VTI1A: variants seen among roughly 807,000 people sequenced by gnomAD.
VTI1A encodes vesicle transport through interaction with t-SNAREs homolog 1A.
VTI1A carries 22 observed loss-of-function variants against 34.9 expected under a neutral mutation model. That is an observed-to-expected ratio of 0.63 (90% CI 0.45 to 0.90). The LOEUF (loss-of-function observed/expected upper bound fraction) is 0.90, where lower values mean the gene tolerates loss of function less well. Ranked by LOEUF, VTI1A falls within the 40% of genes least tolerant of loss-of-function variation. The pLI, the probability that VTI1A is intolerant of heterozygous loss-of-function variation, is 0.00. For missense variants in VTI1A, 268 were observed against 275.6 expected, an observed-to-expected ratio of 0.97 and a Z score of 0.20; for synonymous variants, 87 against 97.3, an observed-to-expected ratio of 0.89 and a Z score of 0.62.
intron 7 of VTI1A, among the ~76,000 whole-genome samples, chr10:112,686,457 A>G (rs1359184552): frequency 1.3e-5 from 2 of 152,188 alleles, no homozygotes; most frequent in East Asian, 1.9e-4. Flanking sequence ...GGGCCATACA[A>G]ACTATTTCTA....
intron 5 of VTI1A, among the ~76,000 whole-genome samples, chr10:112,642,883 T>C (rs1392272455): frequency 2.0e-5 from 3 of 152,074 alleles, no homozygotes; most frequent in Non-Finnish European, 4.4e-5. Flanking sequence ...AAGTTGATCA[T>C]GAAAAACTTT....
chr10:112,616,059 A>G (rs767160368), intron 5 of VTI1A, among the ~76,000 whole-genome samples: 1 of 152,202 alleles, frequency 6.6e-6, no homozygotes, highest in African/African-American at 2.4e-5. Flanking sequence ...GTGATCTGAT[A>G]TTACTGGATA....
chr10:112,667,960 C>A (rs528018982), intron 5 of VTI1A, among the ~76,000 whole-genome samples: 4 of 152,092 alleles, frequency 2.6e-5, no homozygotes, highest in Non-Finnish European at 5.9e-5. Flanking sequence ...GCTGGAGTGG[C>A]CTGGACAAGA....
intron 4 of VTI1A, among the ~76,000 whole-genome samples, chr10:112,528,923 A>AT (rs780123253): frequency 1.9e-4 from 29 of 152,212 alleles, no homozygotes; most frequent in Non-Finnish European, 2.9e-4. Context: ...TGCCTAAAAC[A>AT]TTTGCCTTGC....
At position 112,453,450 on chromosome 10, in the gene VTI1A, A is replaced by G. The variant is rs193118002; in HGVS notation, c.94+5983A>G. Among the ~76,000 whole-genome samples, 420 of 140,138 alleles carry G rather than the reference A, an allele frequency of 3.0e-3. 1 individual carries two copies. Among genetic ancestry groups the G allele is most frequent in the Non-Finnish European group, 4.3e-3 (275 of 64,040 alleles). The allele number at this position is 140,138 out of a possible 152,430, so 91.9% of individuals were successfully genotyped here. A position where few individuals can be genotyped will look rare whatever the true frequency, so the allele number is the denominator to read the frequency against. On this transcript the variant is annotated intron_variant, in intron 1 of 7. Coordinates refer to ENST00000393077, the MANE Select transcript of VTI1A (RefSeq NM_145206.4). The stretch of plus-strand genomic sequence containing the variant: ...CAAGTAATTACGTGAATTATTTGTA[A>G]TTCTTTTATGTAAGAGAGATTTATC...
At chr10:112,694,142 C>T (rs543077664) in intron 7 of VTI1A, among the ~76,000 whole-genome samples, 1 of 152,186 alleles carries the variant, frequency 6.6e-6, no homozygotes, top group South Asian at 2.1e-4. Flanking sequence ...GGAGGCGGAG[C>T]TTGCAGTGAG....
intron 7 of VTI1A, among the ~76,000 whole-genome samples, chr10:112,778,701 A>AC (rs1852023058): frequency 6.6e-6 from 1 of 150,636 alleles, no homozygotes. Context: ...TCCAGGAAAA[A>AC]ATTTTTTTTT....
chr10:112,622,421 T>A lies in VTI1A; in HGVS notation c.428-45797T>A, dbSNP rs188014830. The stretch of plus-strand genomic sequence containing the variant: ...GCAGACCAAGAGTGCTATTTTTATG[T>A]ATAAAATTTTATATTTATAAAACAA... On this transcript the variant is annotated intron_variant, in intron 5 of 7. Transcript: ENST00000393077. Among the ~76,000 whole-genome samples, 53 of 149,584 alleles carry A rather than the reference T, an allele frequency of 3.5e-4. No homozygotes were observed. In the East Asian group the frequency reaches 8.2e-3, roughly 23 times the overall value.
chr10:112,849,285 C>T, the VTI1A span, among the ~76,000 whole-genome samples: 4 of 152,236 alleles, frequency 2.6e-5, no homozygotes, highest in Admixed American at 6.5e-5. Context: ...GAGCCCTCCA[C>T]CTGCTGGAGA....
Position 112,518,606 on chromosome 10 carries a change from T to TAC in VTI1A, c.265-8480_265-8479insCA, listed in dbSNP as rs1286852015. Among the ~76,000 whole-genome samples the TAC allele has an allele frequency of 2.4e-4, 35 of 143,830 alleles. 1 individual carries two copies. The highest frequency in any genetic ancestry group is 1.4e-4 in the Admixed American group (2 of 14,120). The allele number at this position is 143,830 out of a possible 152,430, so 94.4% of individuals were successfully genotyped here. A position where few individuals can be genotyped will look rare whatever the true frequency, so the allele number is the denominator to read the frequency against. The stretch of plus-strand genomic sequence containing the variant: ...CTCTCTCTCTATATATATATATATA[T>TAC]ATATATGTGTGTGTGTGTATGTGTA... On this transcript the variant is annotated intron_variant, in intron 3 of 7. Coordinates refer to ENST00000393077, the MANE Select transcript of VTI1A (RefSeq NM_145206.4).
At chr10:112,447,094 C>G (rs1014452872), upstream of VTI1A, 4 of 454,314 alleles carry the variant, frequency 8.8e-6, no homozygotes, top group Non-Finnish European at 1.6e-5. Flanking sequence ...TATTTTCATA[C>G]GCTTTTCTGG....
At chr10:112,537,613 A>G (rs925035194) in intron 4 of VTI1A, among the ~76,000 whole-genome samples, 2 of 152,068 alleles carry the variant, frequency 1.3e-5, no homozygotes, top group African/African-American at 4.8e-5. Flanking sequence ...ATAGTGCCAT[A>G]TATTTAGGAA....
chr10:112,800,198 A>T (rs183764562), intron 7 of VTI1A, among the ~76,000 whole-genome samples: 1 of 152,232 alleles, frequency 6.6e-6, no homozygotes, highest in East Asian at 1.9e-4. Context: ...AATATGTTCC[A>T]GGAGAGGCAT....
At chr10:112,516,289 C>T (rs1849774700) in intron 3 of VTI1A, among the ~76,000 whole-genome samples, 1 of 151,728 alleles carries the variant, frequency 6.6e-6, no homozygotes, top group South Asian at 2.1e-4. Context: ...CTCATGAGAA[C>T]AATAAAACAA....
At chr10:112,736,358 C>CT (rs1850471431) in intron 7 of VTI1A, among the ~76,000 whole-genome samples, 1 of 152,062 alleles carries the variant, frequency 6.6e-6, no homozygotes, top group Non-Finnish European at 1.5e-5. Flanking sequence ...GATTCCTTGT[C>CT]TATCTTATTC....
chr10:112,545,942 A>G (rs1037862143), intron 5 of VTI1A, among the ~76,000 whole-genome samples: 5 of 151,034 alleles, frequency 3.3e-5, no homozygotes, highest in African/African-American at 9.8e-5. Flanking sequence ...TGTATTTTGC[A>G]TGTATATGTG....
intron 1 of VTI1A, among the ~76,000 whole-genome samples, chr10:112,451,180 A>G (rs1847224312): frequency 1.3e-5 from 2 of 152,240 alleles, no homozygotes; most frequent in African/African-American, 4.8e-5. Flanking sequence ...CTAGATGTGC[A>G]GTCATGGACA....
chr10:112,544,538 A>G (rs1850999177), intron 5 of VTI1A, among the ~76,000 whole-genome samples: 1 of 152,052 alleles, frequency 6.6e-6, no homozygotes, highest in South Asian at 2.1e-4. Context: ...GGACAAGACC[A>G]TTTTGGATAG....
intron 5 of VTI1A, among the ~76,000 whole-genome samples, chr10:112,654,294 C>T (rs1463899539): frequency 6.6e-6 from 1 of 152,140 alleles, no homozygotes; most frequent in Admixed American, 6.5e-5. Flanking sequence ...TTTACTTAGC[C>T]TTTTCTTTAA....
Sources: allele counts gnomAD v4.1 joint callset (sites outside exome capture counted in the v4.1 genomes callset), GRCh38; gene constraint gnomAD v4.1.1; transcripts MANE v1.5; gene names NCBI Gene and HGNC (gene_info 2026-07-23, HGNC 2026-07-21).